Variants in BLTP1 observed in about 807,000 individuals in gnomAD.
BLTP1 encodes fragile site-associated protein.
chr4:122,345,822 A>G, the BLTP1 span: 1 of 154,236 alleles, frequency 6.5e-6, no homozygotes. Flanking sequence ...AAAAGGAGAA[A>G]AGGGAATGAG....
At chr4:122,220,569 T>G in the BLTP1 span, 1 of 1,000,156 alleles carries the variant, frequency 1.0e-6, no homozygotes, top group Non-Finnish European at 1.5e-6. Context: ...ACTTTGTAGC[T>G]CTTTAAGTTG....
the BLTP1 span, chr4:122,152,972 G>A: frequency 1.3e-5 from 13 of 985,178 alleles, no homozygotes; most frequent in Non-Finnish European, 1.6e-5. Context: ...ATATAGGGTC[G>A]GTTGACCGAG....
chr4:122,273,553 A>G, the BLTP1 span: 1 of 464,726 alleles, frequency 2.2e-6, no homozygotes. Context: ...ATACTCATTT[A>G]TGGTGAGAAT....
the BLTP1 span, chr4:122,250,472 A>G: frequency 3.3e-5 from 54 of 1,613,726 alleles, no homozygotes; most frequent in African/African-American, 2.5e-4. Flanking sequence ...TGATTCTCCA[A>G]CCGGCAGTGG....
At chr4:122,219,999 G>T in the BLTP1 span, among the ~76,000 whole-genome samples, 2 of 152,216 alleles carry the variant, frequency 1.3e-5, no homozygotes, top group African/African-American at 2.4e-5. Context: ...ATCTAGCACG[G>T]TATCCTGGGT....
the BLTP1 span, chr4:122,301,324 G>A: frequency 6.2e-7 from 1 of 1,602,120 alleles, no homozygotes; most frequent in Admixed American, 1.7e-5. Context: ...ATTCCTCTCT[G>A]GAACGAACAT....
the BLTP1 span, chr4:122,347,070 T>C: frequency 1.1e-6 from 1 of 931,172 alleles, no homozygotes; most frequent in Non-Finnish European, 1.3e-6. Flanking sequence ...AGTAAATTTA[T>C]TCTATAATGA....
the BLTP1 span, chr4:122,361,952 A>AGTGATGTT: frequency 6.6e-7 from 1 of 1,511,690 alleles, no homozygotes; most frequent in African/African-American, 1.4e-5. Flanking sequence ...ATAGAGGCTT[A>AGTGATGTT]GTGATGTTCT....
the BLTP1 span, chr4:122,184,892 A>C: frequency 3.0e-6 from 3 of 984,474 alleles, no homozygotes; most frequent in Non-Finnish European, 3.6e-6. Flanking sequence ...TTTTCCAGAC[A>C]TGAAATCTGC....
chr4:122,334,282 T>A, the BLTP1 span: 2 of 1,351,198 alleles, frequency 1.5e-6, no homozygotes, highest in Non-Finnish European at 2.1e-6. Context: ...CATTTTTCTA[T>A]ATTTCTTGAT....
At chr4:122,289,312 C>A in the BLTP1 span, 1 of 826,088 alleles carries the variant, frequency 1.2e-6, no homozygotes, top group Non-Finnish European at 1.8e-6. Flanking sequence ...TGTCAAATAA[C>A]TCCTAAGAAA....
chr4:122,304,241 T>G, the BLTP1 span, among the ~76,000 whole-genome samples: 2 of 152,084 alleles, frequency 1.3e-5, no homozygotes, highest in African/African-American at 4.8e-5. Flanking sequence ...TGAGACAGAG[T>G]CTTGCTCTGT....
At chr4:122,284,296 C>A in the BLTP1 span, among the ~76,000 whole-genome samples, 1 of 151,998 alleles carries the variant, frequency 6.6e-6, no homozygotes, top group Admixed American at 6.6e-5. Context: ...ACTTTTATTT[C>A]TTTTTCTTGC....
chr4:122,359,845 T>G, the BLTP1 span: 1 of 1,400,850 alleles, frequency 7.1e-7, no homozygotes, highest in Non-Finnish European at 9.2e-7. Context: ...TCCTGTAATG[T>G]CTATAGCTTC....
chr4:122,338,957 C>T, the BLTP1 span, among the ~76,000 whole-genome samples: 1 of 152,052 alleles, frequency 6.6e-6, no homozygotes, highest in East Asian at 1.9e-4. Flanking sequence ...TCTTAAGTAT[C>T]AAATGAGTAA....
At chr4:122,171,379 GT>G in the BLTP1 span, among the ~76,000 whole-genome samples, 1 of 152,226 alleles carries the variant, frequency 6.6e-6, no homozygotes, top group African/African-American at 2.4e-5. Context: ...TGCTCTGGAA[GT>G]TTTCATGGGA....
At chr4:122,306,005 T>C in the BLTP1 span, 2 of 1,611,382 alleles carry the variant, frequency 1.2e-6, no homozygotes, top group Non-Finnish European at 1.7e-6. Flanking sequence ...TTACTTTGAA[T>C]AGACCAATTG....
chr4:122,184,848 T>C, the BLTP1 span: 1 of 985,088 alleles, frequency 1.0e-6, no homozygotes, highest in Non-Finnish European at 1.2e-6. Flanking sequence ...TTCAAACTTA[T>C]CTAATGAACA....
chr4:122,258,687 T>C, the BLTP1 span: 15 of 1,607,016 alleles, frequency 9.3e-6, no homozygotes, highest in East Asian at 2.9e-4. Context: ...ACTTATTCTT[T>C]TGAACTGTTT....
Sources: allele counts gnomAD v4.1 joint callset (sites outside exome capture counted in the v4.1 genomes callset), GRCh38; gene constraint gnomAD v4.1.1; transcripts MANE v1.5; gene names NCBI Gene and HGNC (gene_info 2026-07-23, HGNC 2026-07-21).